The following RXFP1 variants were observed in gnomAD, a reference collection of about 807,000 sequenced individuals.
RXFP1 encodes relaxin receptor 1.
A neutral mutation model predicts 89.8 loss-of-function variants in RXFP1; 73 were observed. The observed-to-expected ratio is 0.81, with a 90% CI of 0.67 to 0.99. RXFP1 has a LOEUF of 0.99. Ranked by LOEUF, RXFP1 falls within the 50% of genes least tolerant of loss-of-function variation. The probability of loss-of-function intolerance (pLI) is 0.00; values close to 1 mark genes in which losing one functional copy is unlikely to be tolerated. For synonymous variants in RXFP1, 277 were observed against 305.5 expected (o/e 0.91, Z 0.97); for missense variants, 793 against 895.5 (o/e 0.89, Z 1.46).
intron 1 of RXFP1, among the ~76,000 whole-genome samples, chr4:158,534,957 T>C (rs1170210264): frequency 6.8e-6 from 1 of 148,034 alleles, no homozygotes; most frequent in Admixed American, 6.8e-5. Flanking sequence ...ATAAAAATAT[T>C]ACTATTATAG....
At chr4:158,534,156 T>G (rs770102615) in intron 1 of RXFP1, among the ~76,000 whole-genome samples, 1 of 152,124 alleles carries the variant, frequency 6.6e-6, no homozygotes, top group Non-Finnish European at 1.5e-5. Flanking sequence ...CTGGGGAAAT[T>G]GTGGCAGATT....
intron 2 of RXFP1, among the ~76,000 whole-genome samples, chr4:158,581,147 C>G (rs576977624): frequency 1.3e-5 from 2 of 152,256 alleles, no homozygotes; most frequent in Admixed American, 1.3e-4. Context: ...TTGGTTTTGT[C>G]TAATAAGAGT....
intron 1 of RXFP1, among the ~76,000 whole-genome samples, chr4:158,569,791 A>G (rs192436917): frequency 9.4e-4 from 143 of 152,338 alleles, no homozygotes; most frequent in African/African-American, 3.1e-3. Flanking sequence ...CTTTGTTTAC[A>G]ATGAGTGTTC....
intron 16 of RXFP1, among the ~76,000 whole-genome samples, chr4:158,647,845 A>G (rs926149395): frequency 6.6e-6 from 1 of 152,158 alleles, no homozygotes; most frequent in Non-Finnish European, 1.5e-5. Flanking sequence ...GTAAAACCCC[A>G]TCTCTACTAA....
At chr4:158,602,197 G>A (rs1761814651) in intron 4 of RXFP1, among the ~76,000 whole-genome samples, 1 of 152,206 alleles carries the variant, frequency 6.6e-6, no homozygotes, top group African/African-American at 2.4e-5. Flanking sequence ...GAAATGTAGA[G>A]AATGTTATTT....
intron 4 of RXFP1, among the ~76,000 whole-genome samples, chr4:158,602,671 G>A: frequency 6.6e-6 from 1 of 152,144 alleles, no homozygotes; most frequent in South Asian, 2.1e-4. Context: ...TGCAAATAGA[G>A]TATAAACTTC....
chr4:158,526,333 C>T (rs1742499562), intron 1 of RXFP1, among the ~76,000 whole-genome samples: 1 of 152,218 alleles, frequency 6.6e-6, no homozygotes, highest in Non-Finnish European at 1.5e-5. Context: ...CCTCTCCCTC[C>T]TCCTGGATAT....
chr4:158,557,031 A>C (rs897089791), intron 1 of RXFP1, among the ~76,000 whole-genome samples: 1 of 152,210 alleles, frequency 6.6e-6, no homozygotes, highest in Non-Finnish European at 1.5e-5. Context: ...GACTATGGTT[A>C]ACAGTAAATT....
At chr4:158,603,609 C>T (rs1011221095) in intron 4 of RXFP1, among the ~76,000 whole-genome samples, 1 of 151,502 alleles carries the variant, frequency 6.6e-6, no homozygotes, top group Non-Finnish European at 1.5e-5. Context: ...TACAGATATA[C>T]GGACAGGCGC....
Position 158,648,488 on chromosome 4 carries a change from A to C in RXFP1, c.1757-11A>C, listed in dbSNP as rs1165479362. The C allele has an allele frequency of 6.7e-7, 1 of 1,493,156 alleles. No individual in the cohort carries two copies. Among genetic ancestry groups the C allele is most frequent in the Non-Finnish European group, 9.2e-7 (1 of 1,085,820 alleles). 92.5% of individuals were successfully genotyped at this position (1,493,156 alleles called of 1,614,324 possible). ...TCTATGCATTAATAATACTGTTTGT[A>C]TTCCAAATAGGTATTAATTTGGCCG... On this transcript the variant is annotated splice_polypyrimidine_tract_variant and intron_variant, in intron 16 of 17. Transcript: ENST00000307765.
rs1055696705 is a variant in RXFP1, at chr4:158,652,118, G to T, written c.*63G>T. 5.3e-6 allele frequency: 7 copies of T among 1,327,574 alleles called. No individual in the cohort carries two copies. In the Admixed American group the frequency reaches 1.7e-4, roughly 31 times the overall value. The allele number at this position is 1,327,574 out of a possible 1,614,324, so 82.2% of individuals were successfully genotyped here. Reference sequence around the variant, plus strand: ...GGGGGTGCTTCATGAGGGATTTACTGGTATGAAATGAATACCACAAAATTA... The same window carrying T: ...GGGGGTGCTTCATGAGGGATTTACTTGTATGAAATGAATACCACAAAATTA... On this transcript the variant is annotated 3_prime_UTR_variant, in exon 18 of 18. Transcript: ENST00000307765.
chr4:158,585,905 C>G (rs1015820005), intron 2 of RXFP1, among the ~76,000 whole-genome samples: 1 of 152,228 alleles, frequency 6.6e-6, no homozygotes, highest in Non-Finnish European at 1.5e-5. Context: ...TGATGGTCGA[C>G]ATCTAGCAAC....
At chr4:158,597,518 G>T (rs1760858984) in intron 3 of RXFP1, among the ~76,000 whole-genome samples, 1 of 151,864 alleles carries the variant, frequency 6.6e-6, no homozygotes, top group African/African-American at 2.4e-5. Flanking sequence ...TAGCATTTCG[G>T]CATAATCAGG....
In RXFP1 at chr4:158,646,834, C is replaced by T. The variant is rs752895114; in HGVS notation, c.1389C>T (p.Gly463=). 50 of 1,613,718 alleles carry T rather than the reference C, an allele frequency of 3.1e-5. No homozygotes were observed. Among genetic ancestry groups the T allele is most frequent in the Middle Eastern group, 1.6e-4 (1 of 6,082 alleles). The change falls in exon 16 of 18, where the codon GGC becomes GGT. Residue 463 remains glycine, a synonymous_variant. Coordinates refer to ENST00000307765, the MANE Select transcript of RXFP1 (RefSeq NM_021634.4). ...GAATATATTTATTCGTGATCGGAGGCTTTGACCTAAAGTTTCGTGGAGAAT... is the reference window on the plus strand; with the variant it reads ...GAATATATTTATTCGTGATCGGAGGTTTTGACCTAAAGTTTCGTGGAGAAT... ...LMGIYLFVIG[G]FDLKFRGEYN...
At chr4:158,565,701 T>C (rs936294047) in intron 1 of RXFP1, among the ~76,000 whole-genome samples, 7 of 152,184 alleles carry the variant, frequency 4.6e-5, no homozygotes, top group African/African-American at 1.7e-4. Context: ...ATCAACAGAT[T>C]GTAACCCATT....
At chr4:158,623,943 A>T (rs775840758) in intron 9 of RXFP1, among the ~76,000 whole-genome samples, 1 of 152,178 alleles carries the variant, frequency 6.6e-6, no homozygotes, top group Non-Finnish European at 1.5e-5. Flanking sequence ...AACTTTGTAA[A>T]ACAACCATAT....
chr4:158,529,535 C>A (rs1441791888), intron 1 of RXFP1, among the ~76,000 whole-genome samples: 1 of 152,158 alleles, frequency 6.6e-6, no homozygotes, highest in Admixed American at 6.5e-5. Context: ...TCTGGGATTA[C>A]AGGTGTGAGC....
chr4:158,638,957 G>A (rs372417796), intron 13 of RXFP1, among the ~76,000 whole-genome samples: 1 of 151,948 alleles, frequency 6.6e-6, no homozygotes, highest in East Asian at 1.9e-4. Flanking sequence ...TTGTAATATT[G>A]TACAAAAGAT....
chr4:158,537,959 G>A (rs945067674), intron 1 of RXFP1, among the ~76,000 whole-genome samples: 1 of 152,130 alleles, frequency 6.6e-6, no homozygotes, highest in Non-Finnish European at 1.5e-5. Flanking sequence ...GAACAGCCAG[G>A]CTTGTAATGA....
Sources: gnomAD v4.1 joint callset for allele counts (sites outside exome capture counted in the v4.1 genomes callset) on GRCh38, gnomAD v4.1.1 for gene constraint, MANE v1.5 for transcripts, NCBI Gene and HGNC (gene_info 2026-07-23, HGNC 2026-07-21) for gene names.